The following SLC38A5 variants were observed in gnomAD, a reference collection of about 807,000 sequenced individuals.
The protein encoded by SLC38A5 is sodium-coupled neutral amino acid transporter 5.
In SLC38A5, 9 loss-of-function variants were observed where a neutral mutation model predicts 34.6. The ratio of observed to expected loss-of-function variants is 0.26; its 90% CI spans 0.16 to 0.45. SLC38A5 has a LOEUF of 0.45. Ranked by LOEUF, SLC38A5 falls within the 20% of genes least tolerant of loss-of-function variation. SLC38A5 has a pLI of 1.00. For missense variants in SLC38A5, 253 were observed against 394.7 expected, an observed-to-expected ratio of 0.64 and a Z score of 3.04; for synonymous variants, 157 against 155.6, an observed-to-expected ratio of 1.01 and a Z score of -0.07.
chrX:48,461,970 G>A, intron 11 of SLC38A5, 37 bp downstream of exon 11: 1 of 1,144,760 alleles, frequency 8.7e-7, no homozygotes, highest in Non-Finnish European at 1.2e-6. Context: ...CAGAGGGCCT[G>A]AGTGTGATGC....
intron 13 of SLC38A5, 83 bp from the exon 14 acceptor site, chrX:48,460,847 C>T: frequency 9.6e-7 from 1 of 1,038,446 alleles, no homozygotes; most frequent in Non-Finnish European, 1.3e-6. Flanking sequence ...TACATACATG[C>T]ACAGTGACAA....
At position 48,458,678 on chromosome X, in the gene SLC38A5, C is replaced by CTCT; in HGVS notation, c.*254_*255insAGA. 1.0e-6 allele frequency: 1 copy of CTCT among 984,091 alleles called. No homozygotes were observed. 81.1% of individuals were successfully genotyped at this position (984,091 alleles called of 1,213,427 possible). On this transcript the variant is annotated 3_prime_UTR_variant, in exon 17 of 17. Transcript: ENST00000620913. ...ACCTGGCCTCCTCCTCCTCCTCCTC[C>CTCT]TCCTCCTCCTCCTCCTCTTCTTCCT...
At chrX:48,467,614 A>C in intron 4 of SLC38A5, 96 bp downstream of exon 4, 1 of 883,543 alleles carries the variant, frequency 1.1e-6, no homozygotes, top group South Asian at 2.2e-5. Flanking sequence ...GGGCAGGGGA[A>C]CAGCAGGGAG....
Position 48,458,651 on chromosome X carries a change from G to A in SLC38A5, c.*282C>T. ...ACTGGGCTGGGCAAAGGCTCCACCA[G>A]GACCTGGCCTCCTCCTCCTCCTCCT... On this transcript the variant is annotated 3_prime_UTR_variant, in exon 17 of 17. Coordinates refer to ENST00000620913, the MANE Select transcript of SLC38A5 (RefSeq NM_033518.4). 1 of 969,492 alleles carries A rather than the reference G, an allele frequency of 1.0e-6. No individual in the cohort carries two copies. Among genetic ancestry groups the A allele is most frequent in the Non-Finnish European group, 1.3e-6 (1 of 775,619 alleles). 79.9% of individuals were successfully genotyped at this position (969,492 alleles called of 1,213,427 possible). A position where few individuals can be genotyped will look rare whatever the true frequency, so the allele number is the denominator to read the frequency against.
intron 8 of SLC38A5, among the ~76,000 whole-genome samples, chrX:48,463,838 GAAGA>G (rs1266932007): frequency 1.4e-5 from 1 of 69,482 alleles, no homozygotes; most frequent in African/African-American, 5.3e-5. Context: ...AAAGAGAAAG[GAAGA>G]AAGAAAGAGA....
In SLC38A5 at chrX:48,461,151, G is replaced by A. The variant is rs2061431573; in HGVS notation, c.852-65C>T. The A allele has an allele frequency of 2.5e-5, 24 of 943,917 alleles. No individual in the cohort carries two copies. In the South Asian group the frequency reaches 5.2e-4, roughly 20 times the overall value. 77.8% of individuals were successfully genotyped at this position (943,917 alleles called of 1,213,427 possible). A position where few individuals can be genotyped will look rare whatever the true frequency, so the allele number is the denominator to read the frequency against. On this transcript the variant is annotated intron_variant, in intron 12 of 16. Transcript: ENST00000620913. ...TGAGACTTGCCCCAGGTCCCTCAAA[G>A]CCAGCCTCCACCCTCCAGAGTCCCC...
At position 48,467,873 on chromosome X, in the gene SLC38A5, C is replaced by A. The variant is rs782419721; in HGVS notation, c.52G>T (p.Gly18Cys). Residue 18 changes from glycine to cysteine, a missense_variant and splice_region_variant, in exon 3 of 17, where the codon GGC (glycine) becomes TGC (cysteine). Gly to Cys is a radical substitution (Grantham distance 159, BLOSUM62 -3). Coordinates refer to ENST00000620913, the MANE Select transcript of SLC38A5 (RefSeq NM_033518.4). ...CACCTCCTTGGACCCCTGACTCACCCCACAGCATCCGAAGGGAGGGCTCCA... is the reference window on the plus strand; with the variant it reads ...CACCTCCTTGGACCCCTGACTCACCACACAGCATCCGAAGGGAGGGCTCCA... ...MNGALPSDAV[G>C]YRQEREGFLP... 10 of 1,205,881 alleles carry A rather than the reference C, an allele frequency of 8.3e-6. No homozygotes were observed. Among genetic ancestry groups the A allele is most frequent in the Non-Finnish European group, 1.1e-5 (10 of 893,196 alleles).
At chrX:48,465,977 A>AGGGGC in intron 8 of SLC38A5, 38 bp downstream of exon 8, 2 of 1,104,143 alleles carry the variant, frequency 1.8e-6, no homozygotes, top group Non-Finnish European at 2.4e-6. Flanking sequence ...GGCAGAGTCA[A>AGGGGC]GGGGCTGCTG....
chrX:48,468,904 G>T lies in SLC38A5; in HGVS notation c.-2+431C>A. ...GCCTACCGAGTTTCCTGGGGTGGGG[G>T]TGTCTCTGCAATCCCCACCCGAGCC... On this transcript the variant is annotated intron_variant, in intron 2 of 16. Transcript: ENST00000620913. The T allele has an allele frequency of 4.0e-6, 3 of 753,060 alleles. No individual in the cohort carries two copies. In the South Asian group the frequency reaches 2.0e-4, roughly 51 times the overall value. 62.1% of individuals were successfully genotyped at this position (753,060 alleles called of 1,213,427 possible).
At chrX:48,463,853 G>GAGAA (rs201520618) in intron 8 of SLC38A5, among the ~76,000 whole-genome samples, 12,270 of 76,811 alleles carry the variant, frequency 0.16, 984 homozygotes, top group Middle Eastern at 0.19. Context: ...AAGAAAGAGA[G>GAGAA]AGAAAGAAAG....
chrX:48,468,782 G>A (rs1420403100), intron 2 of SLC38A5: 1 of 628,263 alleles, frequency 1.6e-6, no homozygotes, highest in Non-Finnish European at 1.9e-6. Context: ...CTTCCTAGGT[G>A]TGGGGTGTGG....
At chrX:48,467,970 C>T in intron 2 of SLC38A5, 45 bp from the exon 3 acceptor site, 2 of 1,158,925 alleles carry the variant, frequency 1.7e-6, no homozygotes, top group South Asian at 3.8e-5. Flanking sequence ...ATGGAACGAG[C>T]ATGCTTCAAA....
chrX:48,467,738 G>A lies in SLC38A5; in HGVS notation c.101C>T (p.Pro34Leu), dbSNP rs367727027. The change falls in exon 4 of 17, where the codon CCT becomes CTT. Residue 34 changes from proline to leucine, a missense_variant. Transcript: ENST00000620913. ...CATGAACTGGACCGGCTTGCTCCCA[G>A]GAGCAGGACCACGACTGGGCAGGAA... ...EGFLPSRGPA[P>L]GSKPVQFMDF... 8 of 1,206,298 alleles carry A rather than the reference G, an allele frequency of 6.6e-6. No homozygotes were observed. The African/African-American group carries it at 1.1e-4, about 16-fold the overall frequency.
In SLC38A5 at chrX:48,461,102, C is replaced by T. The variant is rs1556961793; in HGVS notation, c.852-16G>A. The T allele has an allele frequency of 1.7e-6, 2 of 1,184,321 alleles. No individual in the cohort carries two copies. The highest frequency in any genetic ancestry group is 2.3e-6 in the Non-Finnish European group (2 of 876,400). On this transcript the variant is annotated splice_polypyrimidine_tract_variant and intron_variant, in intron 12 of 16. Coordinates refer to ENST00000620913, the MANE Select transcript of SLC38A5 (RefSeq NM_033518.4). ...CTTGGAGGGCCTGAGGTGTAGAGGT[C>T]GTGGAACTGTCATGCCCAGACCCTG...
In SLC38A5 at chrX:48,466,842, C is replaced by A; in HGVS notation, c.276G>T (p.Ser92=). ...LALLLCIALL[S]SYSIHLLLTC... ...TCAGCAGGAGGTGGATGGAGTAGGA[C>A]GACAGAAGCGCAATGCACAGCAGCA... Residue 92 remains serine, a synonymous_variant, in exon 6 of 17, where the codon TCG becomes TCT. Coordinates refer to ENST00000620913, the MANE Select transcript of SLC38A5 (RefSeq NM_033518.4). 1 of 1,206,320 alleles carries A rather than the reference C, an allele frequency of 8.3e-7. No individual in the cohort carries two copies. Among genetic ancestry groups the A allele is most frequent in the Non-Finnish European group, 1.1e-6 (1 of 892,880 alleles).
chrX:48,467,122 C>G (rs2061483325), intron 4 of SLC38A5, 45 bp from the exon 5 acceptor site: 2 of 1,086,633 alleles, frequency 1.8e-6, no homozygotes, highest in African/African-American at 3.6e-5. Flanking sequence ...GGACAGGGCA[C>G]AGGGTAAGGA....
chrX:48,462,410 C>G (rs1394741210), intron 9 of SLC38A5, 119 bp from the exon 10 acceptor site: 5 of 677,730 alleles, frequency 7.4e-6, no homozygotes, highest in African/African-American at 2.2e-5. Context: ...AGTTCGAGAC[C>G]AGCCTGGCCA....
chrX:48,459,881 G>A lies in SLC38A5; in HGVS notation c.1069-5C>T, dbSNP rs781944032. ...CTGCTGCAGGGCCCGGCGGATCTGT[G>A]GCCAGAGTAGGGTGGGACAGAAGTC... On this transcript the variant is annotated splice_region_variant and splice_polypyrimidine_tract_variant and intron_variant, in intron 14 of 16. Coordinates refer to ENST00000620913, the MANE Select transcript of SLC38A5 (RefSeq NM_033518.4). 100 of 1,203,247 alleles carry A rather than the reference G, an allele frequency of 8.3e-5. No individual in the cohort carries two copies. The highest frequency in any genetic ancestry group is 1.1e-4 in the Non-Finnish European group (96 of 892,180).
intron 2 of SLC38A5, chrX:48,468,900 G>A (rs1206633974): frequency 8.0e-6 from 6 of 753,119 alleles, no homozygotes; most frequent in Non-Finnish European, 9.4e-6. Context: ...TTCCTGGGGT[G>A]GGGGTGTCTC....
Sources: gnomAD v4.1 joint callset for allele counts (sites outside exome capture counted in the v4.1 genomes callset) on GRCh38, gnomAD v4.1.1 for gene constraint, MANE v1.5 for transcripts, NCBI Gene and HGNC (gene_info 2026-07-23, HGNC 2026-07-21) for gene names.